ZNF827: variants seen among roughly 807,000 people sequenced by gnomAD.
ZNF827 encodes the protein zinc finger protein 827.
Under a neutral mutation model 102.4 loss-of-function variants are expected in ZNF827, and 13 were observed. The observed-to-expected ratio is 0.13, with a 90% CI of 0.08 to 0.20. The LOEUF (loss-of-function observed/expected upper bound fraction) is 0.20, where lower values mean the gene tolerates loss of function less well. Among genes scored for constraint, ZNF827 ranks in the 10% least tolerant of loss-of-function variants. The pLI is 1.00. For missense variants in ZNF827, 1,103 were observed against 1,344.4 expected, an observed-to-expected ratio of 0.82 and a Z score of 2.81; for synonymous variants, 523 against 536.2, an observed-to-expected ratio of 0.98 and a Z score of 0.34.
rs752446714 is a variant in ZNF827, at chr4:145,849,476, T to C, written c.2067A>G (p.Ser689=). ...VDIQDSHVSI[S]PSRNVGYSTL... ...TGCTGTAGCCAACATTCCGGCTGGG[T>C]GATATCGAGACATGGGAGTCCTGGA... The change falls in exon 6 of 15, where the codon TCA becomes TCG. Residue 689 remains serine, a synonymous_variant. Coordinates refer to ENST00000508784, the MANE Select transcript of ZNF827 (RefSeq NM_001306215.2). 1.2e-6 allele frequency: 2 copies of C among 1,614,184 alleles called. No homozygotes were observed. The highest frequency in any genetic ancestry group is 1.1e-5 in the South Asian group (1 of 91,070).
At chr4:145,888,430 A>C (rs1027423570) in intron 3 of ZNF827, among the ~76,000 whole-genome samples, 2 of 152,198 alleles carry the variant, frequency 1.3e-5, no homozygotes, top group Non-Finnish European at 2.9e-5. Flanking sequence ...TTAGGGGCTC[A>C]CCTATCCTCT....
chr4:145,850,844 T>C (rs2126663671), intron 5 of ZNF827, among the ~76,000 whole-genome samples: 1 of 152,230 alleles, frequency 6.6e-6, no homozygotes, highest in Non-Finnish European at 1.5e-5. Context: ...AAAAGAAACA[T>C]CTACATCCTA....
At chr4:145,924,990 T>G (rs919949380) in intron 1 of ZNF827, among the ~76,000 whole-genome samples, 43 of 152,308 alleles carry the variant, frequency 2.8e-4, no homozygotes, top group African/African-American at 9.9e-4. Flanking sequence ...GAGGTTTAAT[T>G]GACTCACAGT....
chr4:145,848,605 C>A (rs1389808809), intron 6 of ZNF827, among the ~76,000 whole-genome samples: 2 of 152,008 alleles, frequency 1.3e-5, no homozygotes, highest in South Asian at 2.1e-4. Flanking sequence ...TATGTATATA[C>A]CATCAACCTC....
At chr4:145,891,130 G>A (rs990311768) in intron 3 of ZNF827, among the ~76,000 whole-genome samples, 6 of 152,112 alleles carry the variant, frequency 3.9e-5, no homozygotes, top group Non-Finnish European at 7.4e-5. Flanking sequence ...AAATCATATC[G>A]AAAATATCAG....
At chr4:145,806,147 CTTTTTTT>C (rs11364915) in intron 8 of ZNF827, among the ~76,000 whole-genome samples, 1 of 77,368 alleles carries the variant, frequency 1.3e-5, no homozygotes, top group Non-Finnish European at 2.4e-5. Context: ...AATAAATGAA[CTTTTTTT>C]TTTTTTTTTT....
In ZNF827 at chr4:145,902,216, AATTCCAGGG is replaced by A; in HGVS notation, c.1034_1042del (p.Ser345_Glu347del). 6.2e-7 allele frequency: 1 copy of A among 1,607,186 alleles called. No homozygotes were observed. The highest frequency in any genetic ancestry group is 1.3e-5 in the African/African-American group (1 of 74,582). Reference sequence around the variant, plus strand: ...TCCCTTAGGAACTGGGAGTAATAATAATTCCAGGGATTGTGGTGGTGGTGGTGGAGGTGG... The same window carrying A: ...TCCCTTAGGAACTGGGAGTAATAATAATTGTGGTGGTGGTGGTGGAGGTGG... On this transcript the variant is annotated inframe_deletion, in exon 2 of 15. Coordinates refer to ENST00000508784, the MANE Select transcript of ZNF827 (RefSeq NM_001306215.2). This position sits in a 1 kb window ranked among gnomAD's most constrained non-coding sequence, Gnocchi z 4.3.
At chr4:145,790,504 C>T (rs1739521244) in intron 8 of ZNF827, among the ~76,000 whole-genome samples, 1 of 152,146 alleles carries the variant, frequency 6.6e-6, no homozygotes, top group Non-Finnish European at 1.5e-5. Flanking sequence ...CTATGCATCA[C>T]ACCTATAGAG....
intron 4 of ZNF827, among the ~76,000 whole-genome samples, chr4:145,878,246 T>C (rs1749325563): frequency 6.6e-6 from 1 of 152,076 alleles, no homozygotes. Context: ...ACTTTGTAGC[T>C]CCTCCCAAGA....
chr4:145,911,878 T>A (rs1338415266), intron 1 of ZNF827, among the ~76,000 whole-genome samples: 1 of 152,250 alleles, frequency 6.6e-6, no homozygotes, highest in Non-Finnish European at 1.5e-5. Flanking sequence ...TGAACAATCA[T>A]GAAAACACAT....
At chr4:145,787,672 C>T (rs192396318) in intron 8 of ZNF827, among the ~76,000 whole-genome samples, 1 of 151,944 alleles carries the variant, frequency 6.6e-6, no homozygotes, top group Non-Finnish European at 1.5e-5. Context: ...AATATGAAAC[C>T]TGTCAAGCAT....
At chr4:145,881,178 C>T (rs767150033) in intron 4 of ZNF827, among the ~76,000 whole-genome samples, 3 of 152,208 alleles carry the variant, frequency 2.0e-5, no homozygotes, top group African/African-American at 7.2e-5. Flanking sequence ...CTACACCCTA[C>T]GTTTATATGT....
intron 10 of ZNF827, among the ~76,000 whole-genome samples, chr4:145,774,928 A>G (rs140556789): frequency 6.6e-6 from 1 of 152,354 alleles, no homozygotes; most frequent in East Asian, 1.9e-4. Flanking sequence ...AAATAATCAT[A>G]AAGTTAATTT....
In ZNF827 at chr4:145,902,569, C is replaced by G; in HGVS notation, c.690G>C (p.Arg230Ser). 1 of 1,614,108 alleles carries G rather than the reference C, an allele frequency of 6.2e-7. No individual in the cohort carries two copies. The highest frequency in any genetic ancestry group is 8.5e-7 in the Non-Finnish European group (1 of 1,179,984). ...NAVLQDKSLT[R>S]TEETMRFESF... ...ACTCAAATCGCATGGTCTCCTCAGT[C>G]CTGGTGAGAGATTTGTCCTGCAGAA... is the stretch of plus-strand genomic sequence containing the variant. The change falls in exon 2 of 15, where the codon AGG becomes AGC. Residue 230 changes from arginine to serine, a missense_variant. Physicochemically the swap from Arg to Ser is moderately radical, Grantham distance 110. Transcript: ENST00000508784. The surrounding 1 kb of genome is among the most constrained non-coding windows in gnomAD (Gnocchi z 4.3).
At chr4:145,804,310 T>C (rs1001137107) in intron 8 of ZNF827, among the ~76,000 whole-genome samples, 2 of 152,218 alleles carry the variant, frequency 1.3e-5, no homozygotes, top group Non-Finnish European at 2.9e-5. Context: ...ATCAACCTCA[T>C]AGCCTGCCAG....
chr4:145,796,623 C>CTTTTTTTT (rs34553120), intron 8 of ZNF827, among the ~76,000 whole-genome samples: 1 of 113,922 alleles, frequency 8.8e-6, no homozygotes, highest in African/African-American at 3.7e-5. Context: ...ATTTGTTCCT[C>CTTTTTTTT]TTTTTTTTTT....
At chr4:145,876,474 TAGAC>T (rs1749163064) in intron 4 of ZNF827, 1 of 152,192 alleles carries the variant, frequency 6.6e-6, no homozygotes, top group African/African-American at 2.4e-5. Flanking sequence ...CCATAGCTAA[TAGAC>T]AGACAAATAG....
At chr4:145,835,706 C>T (rs1744766934) in intron 7 of ZNF827, among the ~76,000 whole-genome samples, 1 of 134,098 alleles carries the variant, frequency 7.5e-6, no homozygotes, top group Admixed American at 8.0e-5. Flanking sequence ...TCATTAAAAC[C>T]TAATCACCCT....
intron 8 of ZNF827, among the ~76,000 whole-genome samples, chr4:145,781,916 A>C (rs1029654015): frequency 4.6e-5 from 7 of 152,214 alleles, no homozygotes; most frequent in African/African-American, 1.7e-4. Flanking sequence ...ATAGATAAGC[A>C]CCTTAATAAT....
Sources: gnomAD v4.1 joint callset for allele counts (sites outside exome capture counted in the v4.1 genomes callset) on GRCh38, gnomAD v4.1.1 for gene constraint, Gnocchi (gnomAD v3.1) non-coding constraint, MANE v1.5 for transcripts, NCBI Gene and HGNC (gene_info 2026-07-23, HGNC 2026-07-21) for gene names.